Variants in PLA2G6 observed in about 807,000 individuals in gnomAD.
PLA2G6 encodes phospholipase A2 group VI, also known as 85/88 kDa calcium-independent phospholipase A2.
Under a neutral mutation model 83.8 loss-of-function variants are expected in PLA2G6, and 62 were observed. That is an observed-to-expected ratio of 0.74 (90% CI 0.60 to 0.91). The LOEUF (loss-of-function observed/expected upper bound fraction) is 0.91, where lower values mean the gene tolerates loss of function less well. Among genes scored for constraint, PLA2G6 ranks in the 40% least tolerant of loss-of-function variants. PLA2G6 has a pLI of 0.00. For missense variants in PLA2G6, 944 were observed against 1,102.0 expected, an observed-to-expected ratio of 0.86 and a Z score of 2.03; for synonymous variants, 417 against 449.8, an observed-to-expected ratio of 0.93 and a Z score of 0.92.
At position 38,111,962 on chromosome 22, in the gene PLA2G6, A is replaced by C; in HGVS notation, c.*199T>G. ...AGACTTTCCCAGCCTGGAATGACAGAAAGTGCTGGAAGGCGGGGTTAGTGG... is the reference window on the plus strand; with the variant it reads ...AGACTTTCCCAGCCTGGAATGACAGCAAGTGCTGGAAGGCGGGGTTAGTGG... On this transcript the variant is annotated 3_prime_UTR_variant, in exon 17 of 17. Coordinates refer to ENST00000332509, the MANE Select transcript of PLA2G6 (RefSeq NM_003560.4). 1.6e-6 allele frequency: 1 copy of C among 629,628 alleles called. No individual in the cohort carries two copies. Among genetic ancestry groups the C allele is most frequent in the South Asian group, 1.9e-5 (1 of 53,478 alleles). 39.0% of individuals were successfully genotyped at this position (629,628 alleles called of 1,614,324 possible).
chr22:38,158,738 T>C (rs2089893533), intron 2 of PLA2G6, among the ~76,000 whole-genome samples: 1 of 152,228 alleles, frequency 6.6e-6, no homozygotes, highest in Admixed American at 6.5e-5. Context: ...ATTCTGTTAG[T>C]TGGTAGGACA....
intron 7 of PLA2G6, chr22:38,131,586 A>C (rs954816866): frequency 2.0e-5 from 3 of 153,152 alleles, no homozygotes; most frequent in African/African-American, 7.2e-5. Flanking sequence ...GGGCCCACCC[A>C]GTGCTAAAAA....
intron 10 of PLA2G6, chr22:38,125,598 G>T (rs1274139443): frequency 2.2e-6 from 1 of 463,132 alleles, no homozygotes; most frequent in East Asian, 7.0e-5. Context: ...AAGGACGTGG[G>T]TTCGGAAGAC....
In PLA2G6 at chr22:38,120,816, T is replaced by A. The variant is rs751508677; in HGVS notation, c.1685A>T (p.Glu562Val). ...CTCCCCAAACTCCCGCTTCAGGAAC[T>A]CCTCCAGGGGCCCCGACTCGTAGGG... The part of the protein sequence containing the change: ...SRPYESGPLE[E>V]FLKREFGEHT... Residue 562 changes from glutamate to valine, a missense_variant, in exon 12 of 17, where the codon GAG (glutamate) becomes GTG (valine). Transcript: ENST00000332509. 6.2e-7 allele frequency: 1 copy of A among 1,613,780 alleles called. No homozygotes were observed. The highest frequency in any genetic ancestry group is 8.5e-7 in the Non-Finnish European group (1 of 1,180,008).
intron 2 of PLA2G6, among the ~76,000 whole-genome samples, chr22:38,155,809 G>A (rs139253627): frequency 3.9e-5 from 6 of 152,232 alleles, no homozygotes; most frequent in Non-Finnish European, 8.8e-5. Flanking sequence ...TAAAGTGGCA[G>A]GAGTAAGTCC....
At chr22:38,179,619 A>C (rs2090768496) in intron 1 of PLA2G6, among the ~76,000 whole-genome samples, 1 of 152,112 alleles carries the variant, frequency 6.6e-6, no homozygotes, top group Non-Finnish European at 1.5e-5. Flanking sequence ...CCCCGCCTCT[A>C]CAAAAATACA....
chr22:38,154,561 T>C (rs1209578970), intron 2 of PLA2G6, among the ~76,000 whole-genome samples: 1 of 152,264 alleles, frequency 6.6e-6, no homozygotes, highest in African/African-American at 2.4e-5. Context: ...GGGTGCCCCC[T>C]AATGCAGATA....
intron 10 of PLA2G6, chr22:38,126,132 A>C: frequency 1.7e-6 from 1 of 600,806 alleles, no homozygotes; most frequent in Non-Finnish European, 3.1e-6. Context: ...AGCCCCACCA[A>C]GTCCAAGAAG....
chr22:38,112,848 G>C (rs536386918), intron 15 of PLA2G6: 37 of 579,852 alleles, frequency 6.4e-5, no homozygotes, highest in Non-Finnish European at 1.1e-4. Context: ...GAGTCGACAG[G>C]CCTCCATGTC....
chr22:38,119,243 A>G (rs1274368389), intron 12 of PLA2G6, among the ~76,000 whole-genome samples: 1 of 152,136 alleles, frequency 6.6e-6, no homozygotes, highest in East Asian at 1.9e-4. Flanking sequence ...GGGCACAGAG[A>G]CAGCTTTCCA....
intron 7 of PLA2G6, chr22:38,131,418 A>G (rs2088203814): frequency 6.6e-6 from 1 of 152,174 alleles, no homozygotes; most frequent in Admixed American, 6.5e-5. Context: ...ATGAATTAAT[A>G]TTTTGAAATT....
At chr22:38,177,428 C>T (rs565994000) in intron 1 of PLA2G6, among the ~76,000 whole-genome samples, 1 of 151,550 alleles carries the variant, frequency 6.6e-6, no homozygotes, top group Admixed American at 6.6e-5. Flanking sequence ...GGGCGCCAGA[C>T]GCTTCACCAC....
chr22:38,118,410 C>T (rs1468199600), intron 12 of PLA2G6, among the ~76,000 whole-genome samples: 1 of 152,146 alleles, frequency 6.6e-6, no homozygotes, highest in Non-Finnish European at 1.5e-5. Flanking sequence ...TGAATGACTC[C>T]ATATTCGTTT....
At chr22:38,142,928 G>A in intron 4 of PLA2G6, 177 bp downstream of exon 4, 1 of 736,632 alleles carries the variant, frequency 1.4e-6, no homozygotes. Context: ...TCCTGGAAAA[G>A]GGCTGGGAGG....
At chr22:38,116,383 T>C (rs1569244884) in intron 12 of PLA2G6, 172 bp from the exon 13 acceptor site, 11 of 788,358 alleles carry the variant, frequency 1.4e-5, no homozygotes, top group Non-Finnish European at 2.0e-5. Context: ...TCTCCGGCAG[T>C]GCTGGAGGAG....
intron 14 of PLA2G6, among the ~76,000 whole-genome samples, chr22:38,114,275 G>A (rs1290060170): frequency 6.6e-6 from 1 of 151,942 alleles, no homozygotes; most frequent in Non-Finnish European, 1.5e-5. Context: ...CCGCCTCCTG[G>A]GTTCACACCA....
intron 11 of PLA2G6, among the ~76,000 whole-genome samples, chr22:38,121,457 A>G (rs553581999): frequency 1.3e-5 from 2 of 152,286 alleles, no homozygotes; most frequent in Non-Finnish European, 2.9e-5. Context: ...TCAAGAGTAA[A>G]AGCTTATAAA....
chr22:38,119,489 G>A (rs975188749), intron 12 of PLA2G6, among the ~76,000 whole-genome samples: 1 of 152,184 alleles, frequency 6.6e-6, no homozygotes, highest in Non-Finnish European at 1.5e-5. Flanking sequence ...GCTCGACACA[G>A]GAGAATCGTG....
chr22:38,179,512 G>T (rs966584346), intron 1 of PLA2G6, among the ~76,000 whole-genome samples: 1 of 152,156 alleles, frequency 6.6e-6, no homozygotes, highest in Non-Finnish European at 1.5e-5. Context: ...GGCCTGGCGC[G>T]GTGGCTCACA....
Sources: allele counts gnomAD v4.1 joint callset (sites outside exome capture counted in the v4.1 genomes callset), GRCh38; gene constraint gnomAD v4.1.1; transcripts MANE v1.5; gene names NCBI Gene and HGNC (gene_info 2026-07-23, HGNC 2026-07-21).